RANBP2: variants seen among roughly 807,000 people sequenced by gnomAD.
RANBP2 encodes RAN binding protein 2.
A neutral mutation model predicts 303.6 loss-of-function variants in RANBP2; 57 were observed. The ratio of observed to expected loss-of-function variants is 0.19; its 90% CI spans 0.15 to 0.23. The LOEUF is 0.23. Among genes scored for constraint, RANBP2 ranks in the 10% least tolerant of loss-of-function variants. RANBP2 has a pLI of 1.00. For synonymous variants in RANBP2, 1,167 were observed against 1,301.5 expected (o/e 0.90, Z 2.23); for missense variants, 3,138 against 3,780.8 (o/e 0.83, Z 4.46).
the RANBP2 span, among the ~76,000 whole-genome samples, chr2:109,272,593 A>C: frequency 1.3e-5 from 2 of 152,234 alleles, no homozygotes; most frequent in Admixed American, 6.5e-5. Context: ...GTTCCTTTGG[A>C]GACCCTGCTG....
chr2:109,419,637 C>T, the RANBP2 span: 1 of 1,575,898 alleles, frequency 6.3e-7, no homozygotes, highest in Non-Finnish European at 8.6e-7. Context: ...AGCTGCCCCT[C>T]AACGTGTGAG....
At chr2:109,113,681 A>G in the RANBP2 span, among the ~76,000 whole-genome samples, 1 of 152,180 alleles carries the variant, frequency 6.6e-6, no homozygotes, top group East Asian at 1.9e-4. Flanking sequence ...GTTGAATAGG[A>G]GCGGTGAGAG....
At chr2:109,620,043 GT>G in the RANBP2 span, among the ~76,000 whole-genome samples, 2 of 152,090 alleles carry the variant, frequency 1.3e-5, no homozygotes, top group African/African-American at 4.8e-5. Flanking sequence ...TTTCATCTCA[GT>G]AAGTAGCTTT....
the RANBP2 span, chr2:109,398,930 C>T: frequency 1.2e-6 from 2 of 1,611,800 alleles, no homozygotes; most frequent in Admixed American, 3.3e-5. Flanking sequence ...CTGTCGTGCG[C>T]TGCTCCCACC....
the RANBP2 span, among the ~76,000 whole-genome samples, chr2:109,420,498 T>C: frequency 6.6e-6 from 1 of 152,246 alleles, no homozygotes; most frequent in East Asian, 1.9e-4. Flanking sequence ...CAGGCTGGAG[T>C]GCAATGGCGC....
At chr2:108,880,772 A>C in the RANBP2 span, among the ~76,000 whole-genome samples, 1 of 152,188 alleles carries the variant, frequency 6.6e-6, no homozygotes, top group Non-Finnish European at 1.5e-5. Context: ...TCCTCTGAAA[A>C]CATTACCACT....
the RANBP2 span, among the ~76,000 whole-genome samples, chr2:109,021,353 C>G: frequency 6.6e-6 from 1 of 151,990 alleles, no homozygotes; most frequent in Non-Finnish European, 1.5e-5. Context: ...GAAACCCCAT[C>G]TCTTCTAAAC....
At chr2:109,587,931 C>T in the RANBP2 span, among the ~76,000 whole-genome samples, 3 of 149,674 alleles carry the variant, frequency 2.0e-5, no homozygotes, top group African/African-American at 7.4e-5. Flanking sequence ...AAAACAAAAA[C>T]AAACACACAC....
chr2:109,474,106 C>T, the RANBP2 span, among the ~76,000 whole-genome samples: 4 of 152,074 alleles, frequency 2.6e-5, no homozygotes, highest in Non-Finnish European at 4.4e-5. Context: ...CTGGGCCGGG[C>T]TGAGGAAGGT....
chr2:109,720,544 G>A, the RANBP2 span, among the ~76,000 whole-genome samples: 1 of 152,150 alleles, frequency 6.6e-6, no homozygotes, highest in Admixed American at 6.6e-5. Context: ...GTGGGGCTGA[G>A]AATCACTGTT....
chr2:108,752,076 G>A (rs1057959), intron 12 of RANBP2, 82 bp downstream of exon 12: 2 of 1,599,948 alleles, frequency 1.3e-6, no homozygotes, highest in Non-Finnish European at 1.7e-6. Flanking sequence ...AAGTTTTTTT[G>A]TTCTGAAAAC....
chr2:109,130,756 G>A, the RANBP2 span, among the ~76,000 whole-genome samples: 1 of 152,132 alleles, frequency 6.6e-6, no homozygotes, highest in Non-Finnish European at 1.5e-5. Context: ...TCCCACGGGG[G>A]TCATTTATAT....
At chr2:109,717,496 C>T in the RANBP2 span, among the ~76,000 whole-genome samples, 5 of 152,008 alleles carry the variant, frequency 3.3e-5, no homozygotes, top group South Asian at 2.1e-4. Context: ...GCAGGAGAAT[C>T]GCTTGAACCC....
the RANBP2 span, among the ~76,000 whole-genome samples, chr2:109,194,239 A>C: frequency 6.6e-6 from 1 of 152,236 alleles, no homozygotes; most frequent in African/African-American, 2.4e-5. Flanking sequence ...CTTAGCATCC[A>C]TCAGCCTCAT....
the RANBP2 span, among the ~76,000 whole-genome samples, chr2:109,114,267 T>A: frequency 5.3e-5 from 8 of 152,208 alleles, no homozygotes; most frequent in African/African-American, 1.9e-4. Flanking sequence ...GGTCCTGGAC[T>A]CTTTTTGGTT....
intron 4 of RANBP2, 181 bp downstream of exon 4, chr2:108,731,655 T>C: frequency 5.7e-6 from 7 of 1,220,814 alleles, no homozygotes; most frequent in East Asian, 2.7e-5. Flanking sequence ...GGCATTGTTA[T>C]ACTTTATAAG....
chr2:108,728,369 C>T (rs906913864), intron 1 of RANBP2, among the ~76,000 whole-genome samples: 3 of 152,168 alleles, frequency 2.0e-5, no homozygotes, highest in African/African-American at 7.2e-5. Flanking sequence ...TCATAACTCA[C>T]GGCAGTGTCA....
Position 108,763,391 on chromosome 2 carries a change from C to T in RANBP2, c.2852C>T (p.Thr951Met), listed in dbSNP as rs549497956. ...GCATTGCGTTTTGAGTCTCCTGCAA[C>T]GGGAATTCTATCGCCCAGGGGTGAT... is the stretch of plus-strand genomic sequence containing the variant. ...PPALRFESPA[T>M]GILSPRGDDY... is the part of the protein sequence containing the mutation. Residue 951 changes from threonine (T) to methionine (M), a missense_variant, in exon 20 of 29, where the codon ACG becomes ATG. Thr to Met is a moderately conservative substitution (Grantham distance 81, BLOSUM62 -1). Around this residue, in one of 20 missense-constraint regions of RANBP2, gnomAD observed 403 missense variants for 376.7 expected, o/e 1.07. Coordinates refer to ENST00000283195, the MANE Select transcript of RANBP2 (RefSeq NM_006267.5). 8.7e-5 allele frequency: 140 copies of T among 1,613,950 alleles called. No individual in the cohort carries two copies. Among genetic ancestry groups the T allele is most frequent in the African/African-American group, 2.7e-4 (20 of 74,988 alleles).
At chr2:109,562,563 C>T in the RANBP2 span, among the ~76,000 whole-genome samples, 1 of 152,120 alleles carries the variant, frequency 6.6e-6, no homozygotes, top group Non-Finnish European at 1.5e-5. Flanking sequence ...TAGGCTTCAT[C>T]CCTGGAAATT....
Sources: gnomAD v4.1 joint callset for allele counts (sites outside exome capture counted in the v4.1 genomes callset) on GRCh38, gnomAD v4.1.1 for gene constraint, gnomAD v4.1.1 regional missense constraint, MANE v1.5 for transcripts, NCBI Gene and HGNC (gene_info 2026-07-23, HGNC 2026-07-21) for gene names.